SCFD2: variants seen among roughly 807,000 people sequenced by gnomAD.
The protein encoded by SCFD2 is sec1 family domain containing 2, also known as sec1 family domain-containing protein 2.
In SCFD2, 54 loss-of-function variants were observed where a neutral mutation model predicts 58.9. The ratio of observed to expected loss-of-function variants is 0.92; its 90% CI spans 0.74 to 1.15. SCFD2 has a LOEUF of 1.15. Ranked by LOEUF, SCFD2 falls within the 50% of genes most tolerant of loss-of-function variation. The pLI, the probability that SCFD2 is intolerant of heterozygous loss-of-function variation, is 0.00. For missense variants in SCFD2, 805 were observed against 836.6 expected, an observed-to-expected ratio of 0.96 and a Z score of 0.47; for synonymous variants, 321 against 335.9, an observed-to-expected ratio of 0.96 and a Z score of 0.49.
At chr4:53,294,556 AGATT>A (rs1731955795) in intron 3 of SCFD2, among the ~76,000 whole-genome samples, 1 of 152,186 alleles carries the variant, frequency 6.6e-6, no homozygotes, top group African/African-American at 2.4e-5. Flanking sequence ...TCAGATAGAT[AGATT>A]GCTAAAATTT....
At chr4:53,344,632 G>C (rs1439800111) in intron 2 of SCFD2, among the ~76,000 whole-genome samples, 2 of 152,118 alleles carry the variant, frequency 1.3e-5, no homozygotes, top group Admixed American at 6.5e-5. Context: ...AAAAGAGCCC[G>C]CATTGCCAAG....
At chr4:52,900,285 C>T (rs1719153600) in intron 7 of SCFD2, among the ~76,000 whole-genome samples, 2 of 152,174 alleles carry the variant, frequency 1.3e-5, no homozygotes, top group African/African-American at 4.8e-5. Context: ...GTGGTTTTAT[C>T]TACCTTTGGT....
At chr4:53,329,023 T>C (rs1481321410) in intron 2 of SCFD2, among the ~76,000 whole-genome samples, 1 of 152,152 alleles carries the variant, frequency 6.6e-6, no homozygotes, top group African/African-American at 2.4e-5. Flanking sequence ...ACCCGAATAT[T>C]GTGCTTTTCG....
chr4:53,266,283 A>G (rs1259169018), intron 4 of SCFD2, among the ~76,000 whole-genome samples: 2 of 152,202 alleles, frequency 1.3e-5, no homozygotes, highest in Non-Finnish European at 2.9e-5. Flanking sequence ...AATATTTTTG[A>G]CCCAGCTGAA....
At position 53,218,374 on chromosome 4, in the gene SCFD2, C is replaced by T. The variant is rs143216184; in HGVS notation, c.1311+55452G>A. Among the ~76,000 whole-genome samples, 210 of 152,304 alleles carry T rather than the reference C, an allele frequency of 1.4e-3. 1 individual carries two copies. Among genetic ancestry groups the T allele is most frequent in the African/African-American group, 4.7e-3 (194 of 41,562 alleles). ...TCTTTTTTCTCTAAACTTCTCTTCT[C>T]GCTTCATTTCATTCATTTGATCTTC... is the stretch of plus-strand genomic sequence containing the variant. On this transcript the variant is annotated intron_variant, in intron 4 of 8. Transcript: ENST00000401642.
At chr4:53,081,163 G>A (rs373153985) in intron 5 of SCFD2, among the ~76,000 whole-genome samples, 15 of 152,248 alleles carry the variant, frequency 9.9e-5, no homozygotes, top group African/African-American at 3.6e-4. Context: ...GTGTGTGTTT[G>A]CAACATCTAG....
chr4:53,255,269 T>C (rs984212924), intron 4 of SCFD2, among the ~76,000 whole-genome samples: 4 of 150,912 alleles, frequency 2.7e-5, no homozygotes, highest in Non-Finnish European at 4.4e-5. Flanking sequence ...GAGGGGGAGT[T>C]GGCAGGGTCA....
At chr4:52,897,075 C>A (rs1719037465) in intron 7 of SCFD2, among the ~76,000 whole-genome samples, 1 of 152,210 alleles carries the variant, frequency 6.6e-6, no homozygotes, top group Non-Finnish European at 1.5e-5. Flanking sequence ...ATGGGGTTTT[C>A]TAGATATACA....
At chr4:53,173,870 T>TA (rs1420291842) in intron 4 of SCFD2, among the ~76,000 whole-genome samples, 1 of 152,172 alleles carries the variant, frequency 6.6e-6, no homozygotes, top group Non-Finnish European at 1.5e-5. Context: ...GCTCATACCA[T>TA]ATAGACATAC....
chr4:53,339,532 G>T (rs1338068949), intron 2 of SCFD2, among the ~76,000 whole-genome samples: 1 of 152,180 alleles, frequency 6.6e-6, no homozygotes, highest in Non-Finnish European at 1.5e-5. Context: ...CACTTTGGGA[G>T]GCCGAGGCGG....
intron 2 of SCFD2, among the ~76,000 whole-genome samples, chr4:53,322,614 G>A (rs1733060881): frequency 6.6e-6 from 1 of 152,132 alleles, no homozygotes; most frequent in Non-Finnish European, 1.5e-5. Context: ...AAACAGTAAA[G>A]CATAAGAAAG....
At chr4:53,303,957 TGGGGGGA>T (rs1732426106) in intron 3 of SCFD2, among the ~76,000 whole-genome samples, 1 of 88,630 alleles carries the variant, frequency 1.1e-5, no homozygotes, top group Admixed American at 1.6e-4. Context: ...TGTTGTCGGG[TGGGGGGA>T]GGGGGGAGGG....
At chr4:52,887,935 G>A (rs561615166) in intron 7 of SCFD2, among the ~76,000 whole-genome samples, 1,460 of 116,760 alleles carry the variant, frequency 0.013, 29 homozygotes, top group African/African-American at 0.049. Context: ...ACGGAGTCTC[G>A]CTCTGTCGCC....
At chr4:53,309,177 A>C (rs1732611430) in intron 3 of SCFD2, among the ~76,000 whole-genome samples, 2 of 151,682 alleles carry the variant, frequency 1.3e-5, no homozygotes, top group Non-Finnish European at 1.5e-5. Flanking sequence ...TGTTCAAAAT[A>C]GGGGAAAAAC....
At chr4:53,149,378 C>A (rs915168281) in intron 4 of SCFD2, among the ~76,000 whole-genome samples, 19 of 152,130 alleles carry the variant, frequency 1.2e-4, no homozygotes, top group African/African-American at 4.6e-4. Flanking sequence ...AAAGCTGGAA[C>A]AACATGAAAC....
intron 2 of SCFD2, among the ~76,000 whole-genome samples, chr4:53,314,160 A>AT (rs1732786794): frequency 6.6e-6 from 1 of 152,248 alleles, no homozygotes; most frequent in African/African-American, 2.4e-5. Context: ...TATAAGCACT[A>AT]TATCAATTCG....
At chr4:53,318,849 A>G (rs529506053) in intron 2 of SCFD2, among the ~76,000 whole-genome samples, 21 of 152,310 alleles carry the variant, frequency 1.4e-4, no homozygotes, top group African/African-American at 4.6e-4. Flanking sequence ...TTCAGAATTT[A>G]CAAAACTTCT....
chr4:53,044,916 C>G (rs7694932), intron 5 of SCFD2, among the ~76,000 whole-genome samples: 1 of 110,288 alleles, frequency 9.1e-6, no homozygotes, highest in African/African-American at 5.9e-5. Flanking sequence ...ACCCCCCCCC[C>G]CCGCCCACAA....
chr4:52,888,060 G>A (rs957037455), intron 7 of SCFD2, among the ~76,000 whole-genome samples: 4 of 151,392 alleles, frequency 2.6e-5, no homozygotes, highest in East Asian at 1.9e-4. Flanking sequence ...ACAGGCGCCC[G>A]CCACCGCGCC....
Sources: allele counts gnomAD v4.1 joint callset (sites outside exome capture counted in the v4.1 genomes callset), GRCh38; gene constraint gnomAD v4.1.1; transcripts MANE v1.5; gene names NCBI Gene and HGNC (gene_info 2026-07-23, HGNC 2026-07-21).